The following ESR1 variants were observed in gnomAD, a reference collection of about 807,000 sequenced individuals.
ESR1 encodes the protein estrogen receptor 1, also known as estrogen receptor.
A neutral mutation model predicts 52.7 loss-of-function variants in ESR1; 12 were observed. That is an observed-to-expected ratio of 0.23 (90% CI 0.15 to 0.37). The LOEUF (loss-of-function observed/expected upper bound fraction) is 0.37, where lower values mean the gene tolerates loss of function less well. ESR1 is among the 10% of genes least tolerant of loss of function. The pLI is 1.00. For synonymous variants in ESR1, 305 were observed against 316.8 expected, an observed-to-expected ratio of 0.96 and a Z score of 0.39; for missense variants, 584 against 779.7, an observed-to-expected ratio of 0.75 and a Z score of 2.99.
At chr6:152,128,604 CA>C (rs2054329288) in exon 7 of ESR1, 1 of 152,218 alleles carries the variant, frequency 6.6e-6, no homozygotes, top group African/African-American at 2.4e-5. Context: ...CTCCTCCCTT[CA>C]AACTAATAGT....
Position 152,053,418 on chromosome 6 carries a change from C to T in ESR1, c.1236-7573C>T, listed in dbSNP as rs1426903998. Among the ~76,000 whole-genome samples the T allele has an allele frequency of 5.3e-5, 8 of 152,052 alleles. No individual in the cohort carries two copies. Among genetic ancestry groups the T allele is most frequent in the Non-Finnish European group, 8.8e-5 (6 of 67,998 alleles). On this transcript the variant is annotated intron_variant, in intron 5 of 7. Coordinates refer to ENST00000206249, the MANE Select transcript of ESR1 (RefSeq NM_000125.4). This position sits in a 1 kb window ranked among gnomAD's most constrained non-coding sequence, Gnocchi z 4.1. Reference sequence around the variant, plus strand: ...TTCTTGCCCCTTCCTCCTTCTGTCTCTCCCTCTCTCTTTCAATCTTTCTCT... The same window carrying T: ...TTCTTGCCCCTTCCTCCTTCTGTCTTTCCCTCTCTCTTTCAATCTTTCTCT...
At chr6:151,888,118 C>T (rs1358335135) in intron 3 of ESR1, among the ~76,000 whole-genome samples, 2 of 152,068 alleles carry the variant, frequency 1.3e-5, no homozygotes, top group Non-Finnish European at 2.9e-5. Context: ...TAGCTTTGTT[C>T]TTCTAGCTCC....
intron 1 of ESR1, chr6:151,808,968 G>A (rs1413293974): frequency 4.3e-6 from 1 of 232,402 alleles, no homozygotes; most frequent in South Asian, 5.0e-5. Context: ...TTTAGAGAGC[G>A]ATTGGGAGTT....
chr6:151,773,129 T>C (rs1455950247), intron 2 of ESR1, among the ~76,000 whole-genome samples: 1 of 152,186 alleles, frequency 6.6e-6, no homozygotes, highest in Non-Finnish European at 1.5e-5. Flanking sequence ...AGGAATCCAG[T>C]ATGACTGGTG....
At chr6:152,078,734 C>T (rs1256734543) in intron 6 of ESR1, among the ~76,000 whole-genome samples, 1 of 152,196 alleles carries the variant, frequency 6.6e-6, no homozygotes, top group Non-Finnish European at 1.5e-5. Context: ...GAAGCTGTGA[C>T]AGACTGTAGC....
intron 2 of ESR1, among the ~76,000 whole-genome samples, chr6:151,849,196 T>C (rs2128246333): frequency 6.6e-6 from 1 of 152,314 alleles, no homozygotes; most frequent in African/African-American, 2.4e-5. Flanking sequence ...TTCATTTGTT[T>C]GATTATTGTC....
At chr6:151,725,475 T>A (rs1781772150) in intron 2 of ESR1, among the ~76,000 whole-genome samples, 1 of 152,234 alleles carries the variant, frequency 6.6e-6, no homozygotes, top group Non-Finnish European at 1.5e-5. Context: ...TAGAGTTTCT[T>A]GGTAAAGTCT....
intron 3 of ESR1, among the ~76,000 whole-genome samples, chr6:151,886,910 G>A (rs971348717): frequency 1.3e-4 from 19 of 151,780 alleles, no homozygotes; most frequent in African/African-American, 4.4e-4. Flanking sequence ...GTGTAGTTGT[G>A]CCCACCTGTA....
chr6:152,005,677 T>G (rs2128755342), intron 4 of ESR1, among the ~76,000 whole-genome samples: 1 of 152,126 alleles, frequency 6.6e-6, no homozygotes, highest in South Asian at 2.1e-4. Context: ...GGTAGGCCAG[T>G]CCATCTGCAT....
chr6:151,761,350 A>G (rs1009195510), intron 2 of ESR1, among the ~76,000 whole-genome samples: 4 of 152,200 alleles, frequency 2.6e-5, no homozygotes, highest in African/African-American at 7.2e-5. Context: ...ATGAATAGAA[A>G]TGAAGATTTA....
chr6:151,949,679 A>G (rs1049727226), intron 4 of ESR1, among the ~76,000 whole-genome samples: 3 of 152,214 alleles, frequency 2.0e-5, no homozygotes, highest in Admixed American at 6.5e-5. Context: ...CAAGTGTTCC[A>G]TGTCCAAGTC....
intron 2 of ESR1, among the ~76,000 whole-genome samples, chr6:151,706,959 G>A (rs759338788): frequency 1.3e-5 from 2 of 152,176 alleles, no homozygotes; most frequent in Non-Finnish European, 2.9e-5. Context: ...GGGTTTATAT[G>A]ACACTGGCAG....
intron 2 of ESR1, among the ~76,000 whole-genome samples, chr6:151,760,834 G>A (rs551348290): frequency 2.3e-4 from 35 of 152,306 alleles, no homozygotes; most frequent in Non-Finnish European, 4.7e-4. Flanking sequence ...GGTAGACACT[G>A]TTACTATGAT....
chr6:152,030,712 A>C (rs1411044430), intron 5 of ESR1, among the ~76,000 whole-genome samples: 2 of 152,196 alleles, frequency 1.3e-5, no homozygotes. Flanking sequence ...TCCCACTGTC[A>C]ACATTAGACA....
downstream of ESR1, among the ~76,000 whole-genome samples, chr6:152,107,925 C>A (rs1022750819): frequency 6.6e-6 from 1 of 152,144 alleles, no homozygotes; most frequent in Non-Finnish European, 1.5e-5. Context: ...CACAGCTGAG[C>A]GTGTATCCAA....
intron 5 of ESR1, among the ~76,000 whole-genome samples, chr6:152,050,383 A>C (rs1397902049): frequency 6.6e-6 from 1 of 152,226 alleles, no homozygotes; most frequent in Non-Finnish European, 1.5e-5. Flanking sequence ...TAAATGAATC[A>C]TGCAACATGG....
rs954682622 is a variant in ESR1 at position 151,768,913 on chromosome 6, A to G, written c.-70-38930A>G. Among the ~76,000 whole-genome samples, 7 of 152,308 alleles carry G rather than the reference A, an allele frequency of 4.6e-5. No homozygotes were observed. In the East Asian group the frequency reaches 1.3e-3, roughly 29 times the overall value. On this transcript the variant is annotated intron_variant, in intron 2 of 2. Transcript: ENST00000404742. ...GCTGGTCAAAGAACCTTTGGTAATG[A>G]CAATCTGAGTTGGTCACTGATATTC...
rs986565221 is a variant in ESR1, at chr6:152,100,136, G to A, written c.*1170G>A. 1.5e-5 allele frequency: 6 copies of A among 398,670 alleles called. No homozygotes were observed. The highest frequency in any genetic ancestry group is 3.6e-5 in the East Asian group (1 of 28,060). The allele number at this position is 398,670 out of a possible 1,614,324, so 24.7% of individuals were successfully genotyped here. ...CCTAGGAACATTCCTTGCAGACCCC[G>A]CATTGCCCTTTGGGGGTGCCCTGGG... On this transcript the variant is annotated 3_prime_UTR_variant, in exon 8 of 8. Coordinates refer to ENST00000206249, the MANE Select transcript of ESR1 (RefSeq NM_000125.4).
At chr6:151,827,338 C>A (rs1460575888) in intron 1 of ESR1, among the ~76,000 whole-genome samples, 2 of 129,508 alleles carry the variant, frequency 1.5e-5, no homozygotes, top group Non-Finnish European at 1.5e-5. Flanking sequence ...GAGCGAGACC[C>A]TGTCTCAAAA....
Sources: gnomAD v4.1 joint callset for allele counts (sites outside exome capture counted in the v4.1 genomes callset) on GRCh38, gnomAD v4.1.1 for gene constraint, Gnocchi (gnomAD v3.1) non-coding constraint, MANE v1.5 for transcripts, NCBI Gene and HGNC (gene_info 2026-07-23, HGNC 2026-07-21) for gene names.